The following REDIC1 variants were observed in gnomAD, a reference collection of about 807,000 sequenced individuals.
The protein encoded by REDIC1 is HEI10 Interacting Protein 1.
the REDIC1 span, among the ~76,000 whole-genome samples, chr12:39,744,924 C>G: frequency 6.6e-6 from 1 of 152,094 alleles, no homozygotes; most frequent in East Asian, 1.9e-4. Flanking sequence ...CAAGACTCCA[C>G]TATATGTTGT....
chr12:39,683,328 T>G, the REDIC1 span: 1 of 1,161,970 alleles, frequency 8.6e-7, no homozygotes, highest in Non-Finnish European at 1.2e-6. Flanking sequence ...TTTTCCTCTG[T>G]ACGTGTCATG....
the REDIC1 span, among the ~76,000 whole-genome samples, chr12:39,854,943 T>A: frequency 6.6e-6 from 1 of 152,198 alleles, no homozygotes; most frequent in Admixed American, 6.5e-5. Context: ...CTGTGACGGG[T>A]CCTTAATATG....
chr12:39,703,710 T>C, the REDIC1 span, among the ~76,000 whole-genome samples: 1 of 152,108 alleles, frequency 6.6e-6, no homozygotes, highest in Non-Finnish European at 1.5e-5. Flanking sequence ...CAAGACAGCA[T>C]GGTACTGGTA....
At chr12:39,863,128 C>T in the REDIC1 span, among the ~76,000 whole-genome samples, 2 of 152,076 alleles carry the variant, frequency 1.3e-5, no homozygotes, top group Admixed American at 6.5e-5. Flanking sequence ...CAAATGGCTG[C>T]TTATTTTTGT....
the REDIC1 span, among the ~76,000 whole-genome samples, chr12:39,798,736 A>G: frequency 6.6e-6 from 1 of 152,296 alleles, no homozygotes; most frequent in Non-Finnish European, 1.5e-5. Context: ...GACATTTCTC[A>G]TGACACTTTT....
At chr12:39,781,234 G>A in the REDIC1 span, among the ~76,000 whole-genome samples, 2 of 152,174 alleles carry the variant, frequency 1.3e-5, no homozygotes, top group African/African-American at 2.4e-5. Flanking sequence ...AGTTCGGTGA[G>A]TGAATAGCTT....
At chr12:39,680,119 AAAAAT>A in the REDIC1 span, among the ~76,000 whole-genome samples, 1 of 152,198 alleles carries the variant, frequency 6.6e-6, no homozygotes, top group Non-Finnish European at 1.5e-5. Flanking sequence ...CAACAAAAAC[AAAAAT>A]AAACAAATGG....
At chr12:39,742,780 C>T in the REDIC1 span, among the ~76,000 whole-genome samples, 2 of 152,202 alleles carry the variant, frequency 1.3e-5, no homozygotes, top group African/African-American at 4.8e-5. Flanking sequence ...AACTGAAAAT[C>T]AGTAACTCTT....
chr12:39,863,090 G>A, the REDIC1 span, among the ~76,000 whole-genome samples: 347 of 152,098 alleles, frequency 2.3e-3, 1 homozygote, highest in African/African-American at 7.9e-3. Flanking sequence ...GACTCCCGAA[G>A]GACACCTAAA....
chr12:39,850,192 T>C, the REDIC1 span, among the ~76,000 whole-genome samples: 1 of 152,150 alleles, frequency 6.6e-6, no homozygotes. Context: ...AAGTAGCTAC[T>C]GGAACCGAAA....
At chr12:39,684,083 A>G in the REDIC1 span, 1 of 927,190 alleles carries the variant, frequency 1.1e-6, no homozygotes, top group Non-Finnish European at 1.3e-6. Context: ...CATTGAAAAC[A>G]ATTATGTTTC....
At chr12:39,859,817 C>T in the REDIC1 span, among the ~76,000 whole-genome samples, 8 of 152,150 alleles carry the variant, frequency 5.3e-5, no homozygotes, top group Middle Eastern at 3.4e-3. Context: ...TGAGCCATTG[C>T]GTCTGGCCTT....
chr12:39,632,558 A>G, the REDIC1 span, among the ~76,000 whole-genome samples: 4 of 152,188 alleles, frequency 2.6e-5, no homozygotes, highest in Non-Finnish European at 4.4e-5. Flanking sequence ...GTATATATAC[A>G]TTCACATTTG....
the REDIC1 span, among the ~76,000 whole-genome samples, chr12:39,728,371 GA>G: frequency 1.3e-5 from 2 of 151,964 alleles, no homozygotes; most frequent in Non-Finnish European, 2.9e-5. Flanking sequence ...GAATTTTATT[GA>G]AGGCCTTTTT....
At chr12:39,871,639 CTTT>C in the REDIC1 span, among the ~76,000 whole-genome samples, 1 of 148,274 alleles carries the variant, frequency 6.7e-6, no homozygotes. Flanking sequence ...GTTAAAAGCT[CTTT>C]TTTTTTTCTT....
chr12:39,808,410 A>G, the REDIC1 span, among the ~76,000 whole-genome samples: 2 of 152,186 alleles, frequency 1.3e-5, no homozygotes, highest in African/African-American at 2.4e-5. Flanking sequence ...GCTATAAACG[A>G]CTGTGTAGAA....
the REDIC1 span, among the ~76,000 whole-genome samples, chr12:39,882,842 AAC>A: frequency 1.1e-4 from 16 of 152,294 alleles, no homozygotes; most frequent in East Asian, 2.5e-3. Flanking sequence ...CTCTTTTAGT[AAC>A]ACACACCACT....
At chr12:39,698,058 G>A in the REDIC1 span, among the ~76,000 whole-genome samples, 1 of 152,046 alleles carries the variant, frequency 6.6e-6, no homozygotes, top group Non-Finnish European at 1.5e-5. Flanking sequence ...TAAAGGGATG[G>A]AAAAAGATAT....
chr12:39,826,655 TAA>T, the REDIC1 span, among the ~76,000 whole-genome samples: 684 of 151,450 alleles, frequency 4.5e-3, 17 homozygotes, highest in Non-Finnish European at 1.3e-3. Context: ...GGCTTTTTTC[TAA>T]AAGTTCTCAT....
Sources: allele counts gnomAD v4.1 joint callset (sites outside exome capture counted in the v4.1 genomes callset), GRCh38; gene constraint gnomAD v4.1.1; transcripts MANE v1.5; gene names NCBI Gene and HGNC (gene_info 2026-07-23, HGNC 2026-07-21).